The following PDIA3 variants were observed in gnomAD, a reference collection of about 807,000 sequenced individuals.
The protein encoded by PDIA3 is protein disulfide isomerase family A member 3, also known as protein disulfide-isomerase A3.
PDIA3 carries 16 observed loss-of-function variants against 56.9 expected under a neutral mutation model. The observed-to-expected ratio is 0.28, with a 90% CI of 0.19 to 0.43. PDIA3 has a LOEUF of 0.43. PDIA3 is among the 20% of genes least tolerant of loss of function. The pLI, the probability that PDIA3 is intolerant of heterozygous loss-of-function variation, is 1.00. For missense variants in PDIA3, 485 were observed against 621.3 expected (o/e 0.78, Z 2.33); for synonymous variants, 192 against 216.5 (o/e 0.89, Z 0.99).
At position 43,771,803 on chromosome 15, in the gene PDIA3, A is replaced by G. The variant is rs2086883701; in HGVS notation, c.*585A>G. ...CCTCAAAATTCTTTCAAAATTTATT[A>G]TCTCTTTCTCTCCTTACATGTTTAT... On this transcript the variant is annotated 3_prime_UTR_variant, in exon 13 of 13. Coordinates refer to ENST00000300289, the MANE Select transcript of PDIA3 (RefSeq NM_005313.5). The G allele has an allele frequency of 1.5e-5, 6 of 396,392 alleles. No individual in the cohort carries two copies. The Admixed American group carries it at 2.2e-4, about 15-fold the overall frequency. 24.6% of individuals were successfully genotyped at this position (396,392 alleles called of 1,614,324 possible). A position where few individuals can be genotyped will look rare whatever the true frequency, so the allele number is the denominator to read the frequency against.
chr15:43,752,884 A>G (rs1345843178), intron 1 of PDIA3: 2 of 471,052 alleles, frequency 4.2e-6, no homozygotes, highest in Admixed American at 2.3e-5. Flanking sequence ...TGCTAGCTGT[A>G]TATACACTGA....
rs148800791 is a variant in PDIA3, at chr15:43,764,431, C to T, written c.603-1019C>T. Among the ~76,000 whole-genome samples the T allele has an allele frequency of 4.1e-3, 621 of 152,212 alleles. 3 individuals carry two copies. The highest frequency in any genetic ancestry group is 8.1e-3 in the Non-Finnish European group (549 of 68,008). On this transcript the variant is annotated intron_variant, in intron 5 of 12. Coordinates refer to ENST00000300289, the MANE Select transcript of PDIA3 (RefSeq NM_005313.5). ...AAAAAATGTAAACAATAGTCACTAACTATGAGTGAAAAGAAGATTCAGAGC... is the reference window on the plus strand; with the variant it reads ...AAAAAATGTAAACAATAGTCACTAATTATGAGTGAAAAGAAGATTCAGAGC...
chr15:43,766,307 G>A lies in PDIA3; in HGVS notation c.845+295G>A, dbSNP rs150093899. Among the ~76,000 whole-genome samples the A allele has an allele frequency of 3.8e-3, 574 of 152,216 alleles. 2 individuals are homozygous for A. The highest frequency in any genetic ancestry group is 6.6e-3 in the Non-Finnish European group (446 of 68,012). On this transcript the variant is annotated intron_variant, in intron 7 of 12. Coordinates refer to ENST00000300289, the MANE Select transcript of PDIA3 (RefSeq NM_005313.5). ...TCACAATCTGTTGGGCATGTATTTC[G>A]TAGGTGTTTCTTTGCTTTGTGACAC...
At chr15:43,757,401 A>G (rs1778909257) in intron 3 of PDIA3, among the ~76,000 whole-genome samples, 1 of 151,960 alleles carries the variant, frequency 6.6e-6, no homozygotes, top group Non-Finnish European at 1.5e-5. Context: ...TACCAAAAAT[A>G]CAAAAAATTA....
intron 8 of PDIA3, 31 bp downstream of exon 8, chr15:43,766,941 A>G (rs780072599): frequency 2.5e-6 from 4 of 1,596,258 alleles, no homozygotes; most frequent in Non-Finnish European, 8.6e-7. Flanking sequence ...TGATTCTCCA[A>G]GGCAATTATT....
chr15:43,770,295 G>A lies in PDIA3; in HGVS notation c.1312G>A (p.Ala438Thr), dbSNP rs1486306246. 1 of 1,614,126 alleles carries A rather than the reference G, an allele frequency of 6.2e-7. No individual in the cohort carries two copies. ...CGTCATAGCCAAGATGGATGCCACA[G>A]CCAATGATGTGCCTTCTCCATATGA... Reference protein sequence around the residue: ...NIVIAKMDATANDVPSPYEVR... With the variant: ...NIVIAKMDATTNDVPSPYEVR... The change falls in exon 11 of 13, where the codon GCC (alanine) becomes ACC (threonine). Residue 438 changes from alanine to threonine, a missense_variant. Ala to Thr is a moderately conservative substitution (Grantham distance 58). Transcript: ENST00000300289.
chr15:43,764,463 G>T (rs916399789), intron 5 of PDIA3, among the ~76,000 whole-genome samples: 8 of 152,084 alleles, frequency 5.3e-5, no homozygotes, highest in Non-Finnish European at 1.0e-4. Context: ...GAGCAAGTTT[G>T]AGTTTATTTT....
chr15:43,770,393 C>A, intron 11 of PDIA3, 64 bp downstream of exon 11: 1 of 1,438,032 alleles, frequency 7.0e-7, no homozygotes, highest in South Asian at 1.1e-5. Flanking sequence ...TTGTAACCAC[C>A]AGGAAATCAT....
chr15:43,762,236 G>T (rs1404486166), intron 4 of PDIA3, among the ~76,000 whole-genome samples: 1 of 151,674 alleles, frequency 6.6e-6, no homozygotes, highest in East Asian at 1.9e-4. Context: ...CTTTCGCCTG[G>T]CTCAGTGGCT....
chr15:43,752,824 C>A (rs958974884), intron 1 of PDIA3: 3 of 471,000 alleles, frequency 6.4e-6, no homozygotes, highest in East Asian at 6.9e-5. Context: ...ACCTTCTCAA[C>A]GTGATCCCTC....
intron 3 of PDIA3, among the ~76,000 whole-genome samples, chr15:43,759,238 G>A (rs1012505865): frequency 1.3e-5 from 2 of 151,990 alleles, no homozygotes; most frequent in East Asian, 1.9e-4. Flanking sequence ...TGCAGTAAGC[G>A]GAGATAGCAC....
At chr15:43,766,988 A>T (rs996782387) in intron 8 of PDIA3, 78 bp downstream of exon 8, 4 of 1,271,934 alleles carry the variant, frequency 3.1e-6, no homozygotes, top group Non-Finnish European at 3.4e-6. Flanking sequence ...CTAAAGAACA[A>T]TAACCCTGGA....
At chr15:43,755,629 C>T (rs2086773837) in intron 2 of PDIA3, among the ~76,000 whole-genome samples, 1 of 151,904 alleles carries the variant, frequency 6.6e-6, no homozygotes, top group Non-Finnish European at 1.5e-5. Context: ...AAAATTTAAT[C>T]ATAGCCAGGC....
At chr15:43,751,266 C>T (rs1453607919) in intron 1 of PDIA3, among the ~76,000 whole-genome samples, 3 of 151,532 alleles carry the variant, frequency 2.0e-5, no homozygotes, top group Admixed American at 6.6e-5. Context: ...TTGATCCTGC[C>T]TCTCTATTGG....
At chr15:43,761,607 C>A in intron 4 of PDIA3, 76 bp downstream of exon 4, 1 of 804,558 alleles carries the variant, frequency 1.2e-6, no homozygotes, top group Non-Finnish European at 2.1e-6. Flanking sequence ...GGGAAAACCA[C>A]AGAATTAAAG....
At chr15:43,747,922 A>G (rs990275991) in intron 1 of PDIA3, among the ~76,000 whole-genome samples, 2 of 152,162 alleles carry the variant, frequency 1.3e-5, no homozygotes, top group Non-Finnish European at 2.9e-5. Context: ...TGTCCAGGGC[A>G]TTTCTGGGGC....
intron 5 of PDIA3, among the ~76,000 whole-genome samples, chr15:43,763,980 G>T (rs1228275989): frequency 6.6e-6 from 1 of 152,158 alleles, no homozygotes; most frequent in South Asian, 2.1e-4. Flanking sequence ...CATAATGAAA[G>T]ATAAGATTGG....
chr15:43,763,783 G>T (rs193240278), intron 5 of PDIA3, among the ~76,000 whole-genome samples: 1 of 151,112 alleles, frequency 6.6e-6, no homozygotes, highest in Admixed American at 6.6e-5. Context: ...TTATGGGGTA[G>T]GGGGGTAATA....
intron 1 of PDIA3, among the ~76,000 whole-genome samples, chr15:43,750,733 C>T (rs2086738286): frequency 1.3e-5 from 2 of 151,552 alleles, no homozygotes; most frequent in Admixed American, 6.6e-5. Flanking sequence ...CAAGATCACG[C>T]CACTGCACTC....
Sources: gnomAD v4.1 joint callset for allele counts (sites outside exome capture counted in the v4.1 genomes callset) on GRCh38, gnomAD v4.1.1 for gene constraint, MANE v1.5 for transcripts, NCBI Gene and HGNC (gene_info 2026-07-23, HGNC 2026-07-21) for gene names.